Variants in CFAP57 observed in about 807,000 individuals in gnomAD.
CFAP57 encodes cilia- and flagella-associated protein 57.
Under a neutral mutation model 146.8 loss-of-function variants are expected in CFAP57, and 116 were observed. The observed-to-expected ratio is 0.79, with a 90% CI of 0.68 to 0.92. CFAP57 has a LOEUF of 0.92. CFAP57 is among the 40% of genes least tolerant of loss of function. CFAP57 has a pLI of 0.00. For synonymous variants in CFAP57, 518 were observed against 552.8 expected (o/e 0.94, Z 0.88); for missense variants, 1,377 against 1,527.2 (o/e 0.90, Z 1.64).
chr1:43,181,483 C>G (rs771259445), intron 2 of CFAP57, 51 bp from the exon 3 acceptor site: 144 of 1,606,508 alleles, frequency 9.0e-5, no homozygotes, highest in Non-Finnish European at 1.2e-4. Flanking sequence ...CTGTTGAACC[C>G]TGGTGAAAGT....
At chr1:43,207,159 G>T (rs1644393604) in intron 10 of CFAP57, among the ~76,000 whole-genome samples, 1 of 152,162 alleles carries the variant, frequency 6.6e-6, no homozygotes. Flanking sequence ...TAAATTGCGG[G>T]GCTCTTTTTC....
chr1:43,226,690 T>G (rs1233659857), intron 17 of CFAP57, among the ~76,000 whole-genome samples: 1 of 152,210 alleles, frequency 6.6e-6, no homozygotes, highest in African/African-American at 2.4e-5. Context: ...GTAGAACAGC[T>G]GGAGTGTGGG....
rs35050145 is a variant in CFAP57 at position 43,249,597 on chromosome 1, C to CT, written c.3539-4354dup. Among the ~76,000 whole-genome samples, 15 of 52,638 alleles carry CT rather than the reference C, an allele frequency of 2.8e-4. 1 individual carries two copies. The highest frequency in any genetic ancestry group is 4.8e-4 in the Admixed American group (2 of 4,148). The allele number at this position is 52,638 out of a possible 152,430, so 34.5% of individuals were successfully genotyped here. A position where few individuals can be genotyped will look rare whatever the true frequency, so the allele number is the denominator to read the frequency against. On this transcript the variant is annotated intron_variant, in intron 22 of 22. Transcript: ENST00000372492. ...GGCACACGCCACCACACCCAGCTAA[C>CT]TTTTTTTTTTTTTTTTTTTTTTTTT...
chr1:43,183,575 C>T lies in CFAP57; in HGVS notation c.475-16C>T. Reference sequence around the variant, plus strand: ...GTTTCATAAATTTTTTTCTTCAATTCTCTCACATTTTACAGGTGAGCTTCA... The same window carrying T: ...GTTTCATAAATTTTTTTCTTCAATTTTCTCACATTTTACAGGTGAGCTTCA... On this transcript the variant is annotated splice_polypyrimidine_tract_variant and intron_variant, in intron 3 of 22. Coordinates refer to ENST00000372492, the MANE Select transcript of CFAP57 (RefSeq NM_001378189.1). 1 of 1,612,358 alleles carries T rather than the reference C, an allele frequency of 6.2e-7. No individual in the cohort carries two copies. Among genetic ancestry groups the T allele is most frequent in the South Asian group, 1.1e-5 (1 of 90,938 alleles).
At chr1:43,177,995 G>C (rs1045929712) in intron 2 of CFAP57, among the ~76,000 whole-genome samples, 1 of 152,216 alleles carries the variant, frequency 6.6e-6, no homozygotes, top group African/African-American at 2.4e-5. Context: ...AGAGGCTTTG[G>C]AGGAGTGGCC....
At position 43,215,215 on chromosome 1, in the gene CFAP57, G is replaced by A. The variant is rs950023462; in HGVS notation, c.1930-40G>A. The stretch of plus-strand genomic sequence containing the variant: ...GCTGGCTCAGCCCTGGTCATCTGTG[G>A]CCTTGAAAGCTTCCTGGCCATGACC... On this transcript the variant is annotated intron_variant, in intron 11 of 22. Coordinates refer to ENST00000372492, the MANE Select transcript of CFAP57 (RefSeq NM_001378189.1). The A allele has an allele frequency of 1.4e-5, 21 of 1,550,276 alleles. No homozygotes were observed. In the East Asian group the frequency reaches 4.2e-4, roughly 31 times the overall value.
chr1:43,239,495 G>T (rs551373673), intron 21 of CFAP57, among the ~76,000 whole-genome samples: 3 of 152,284 alleles, frequency 2.0e-5, no homozygotes, highest in South Asian at 4.1e-4. Flanking sequence ...CACTTGCCGG[G>T]GGGCCTTTAC....
Position 43,198,566 on chromosome 1 carries a change from G to T in CFAP57, c.1348G>T (p.Ala450Ser), listed in dbSNP as rs1643967397. The T allele has an allele frequency of 1.9e-6, 3 of 1,613,968 alleles. No homozygotes were observed. Among genetic ancestry groups the T allele is most frequent in the African/African-American group, 2.7e-5 (2 of 74,914 alleles). ...PSGHFIVVGF[A>S]DKLRLMNLLI... ...TGGACACTTCATTGTAGTAGGGTTT[G>T]CTGACAAACTACGCCTCATGAATCT... The change falls in exon 8 of 23, where the codon GCT (alanine) becomes TCT (serine). Residue 450 changes from alanine to serine, a missense_variant. Coordinates refer to ENST00000372492, the MANE Select transcript of CFAP57 (RefSeq NM_001378189.1).
intron 6 of CFAP57, among the ~76,000 whole-genome samples, chr1:43,190,348 G>A (rs1320059731): frequency 7.2e-6 from 1 of 138,046 alleles, no homozygotes; most frequent in African/African-American, 2.8e-5. Context: ...TTGGCTCACT[G>A]CAAGCTCCAC....
At chr1:43,219,259 A>G in intron 12 of CFAP57, 123 bp from the exon 13 acceptor site, 1 of 1,035,102 alleles carries the variant, frequency 9.7e-7, no homozygotes, top group East Asian at 2.6e-5. Flanking sequence ...GACAAGTTCT[A>G]GTTGAGACAC....
rs867286293 is a variant in CFAP57 at position 43,236,912 on chromosome 1, C to A, written c.3405+2274C>A. On this transcript the variant is annotated intron_variant, in intron 21 of 22. Transcript: ENST00000372492. ...CGACAGAGCGAGACTCCATCCCCCC[C>A]CAAAAAAAAAAGGCAATTTCCATCC... 3.5e-3 allele frequency among the ~76,000 whole-genome samples: 431 copies of A among 122,666 alleles called. 2 individuals are homozygous for A. Among genetic ancestry groups the A allele is most frequent in the South Asian group, 0.019 (67 of 3,466 alleles). 80.5% of individuals were successfully genotyped at this position (122,666 alleles called of 152,430 possible).
chr1:43,224,160 C>T lies in CFAP57; in HGVS notation c.2821C>T (p.Leu941Phe). The T allele has an allele frequency of 1.9e-6, 3 of 1,549,644 alleles. No homozygotes were observed. The highest frequency in any genetic ancestry group is 2.6e-6 in the Non-Finnish European group (3 of 1,146,528). Residue 941 changes from leucine to phenylalanine, a missense_variant, in exon 17 of 23, where the codon CTC becomes TTC. Physicochemically the swap from Leu to Phe is conservative, Grantham distance 22. Coordinates refer to ENST00000372492, the MANE Select transcript of CFAP57 (RefSeq NM_001378189.1). ...GTCTCTGGAGAAGGACATCCAAGGCCTCAAGCGAGAGATCCAGGAAAGAGA... is the reference window on the plus strand; with the variant it reads ...GTCTCTGGAGAAGGACATCCAAGGCTTCAAGCGAGAGATCCAGGAAAGAGA... Reference protein sequence around the residue: ...IKSLEKDIQGLKREIQERDET... With the variant: ...IKSLEKDIQGFKREIQERDET...
Position 43,181,524 on chromosome 1 carries a change from CT to C in CFAP57, c.158-9del. The C allele has an allele frequency of 6.2e-7, 1 of 1,614,058 alleles. No individual in the cohort carries two copies. The highest frequency in any genetic ancestry group is 8.5e-7 in the Non-Finnish European group (1 of 1,180,020). ...CTACCCTGATTATTTCCTTTTTCCT[CT>C]GTTTGCAGGCTCAGAGAAGAGTCAG... On this transcript the variant is annotated splice_polypyrimidine_tract_variant and intron_variant, in intron 2 of 22. Coordinates refer to ENST00000372492, the MANE Select transcript of CFAP57 (RefSeq NM_001378189.1).
In CFAP57 at chr1:43,174,632, A is replaced by G. The variant is rs186148865; in HGVS notation, c.157+1722A>G. Among the ~76,000 whole-genome samples, 39 of 152,322 alleles carry G rather than the reference A, an allele frequency of 2.6e-4. 1 individual carries two copies. The highest frequency in any genetic ancestry group is 8.7e-4 in the African/African-American group (36 of 41,572). On this transcript the variant is annotated intron_variant, in intron 2 of 22. Coordinates refer to ENST00000372492, the MANE Select transcript of CFAP57 (RefSeq NM_001378189.1). ...AGAGATCAAGACCATCCTCGCCAAC[A>G]TAGTGAAACCCCGTCTCTACTAAAA...
chr1:43,236,404 C>T (rs1376398570), intron 21 of CFAP57, among the ~76,000 whole-genome samples: 1 of 151,468 alleles, frequency 6.6e-6, no homozygotes, highest in Non-Finnish European at 1.5e-5. Context: ...CTGTGCCGAC[C>T]CTGGTTTACC....
In CFAP57 at chr1:43,233,412, C is replaced by T. The variant is rs536599408; in HGVS notation, c.3126+788C>T. 7.2e-5 allele frequency among the ~76,000 whole-genome samples: 11 copies of T among 152,070 alleles called. No homozygotes were observed. In the East Asian group the frequency reaches 1.9e-3, roughly 27 times the overall value. On this transcript the variant is annotated intron_variant, in intron 19 of 22. Transcript: ENST00000372492. Reference sequence around the variant, plus strand: ...ACTGAGGCAGGAGAATTGCTTGAACCTGGGAGGCGGAGGTTGCCGTGAGCC... The same window carrying T: ...ACTGAGGCAGGAGAATTGCTTGAACTTGGGAGGCGGAGGTTGCCGTGAGCC...
intron 6 of CFAP57, among the ~76,000 whole-genome samples, chr1:43,190,879 A>G (rs1360685772): frequency 6.6e-6 from 1 of 152,090 alleles, no homozygotes; most frequent in East Asian, 1.9e-4. Flanking sequence ...TATTCAATTT[A>G]CTAGTATTTT....
At position 43,201,409 on chromosome 1, in the gene CFAP57, G is replaced by A. The variant is rs926073164; in HGVS notation, c.1542+1906G>A. Among the ~76,000 whole-genome samples the A allele has an allele frequency of 2.0e-5, 3 of 152,222 alleles. No homozygotes were observed. The highest frequency in any genetic ancestry group is 2.0e-4 in the Admixed American group (3 of 15,274). On this transcript the variant is annotated intron_variant, in intron 9 of 22. Coordinates refer to ENST00000372492, the MANE Select transcript of CFAP57 (RefSeq NM_001378189.1). This position sits in a 1 kb window ranked among gnomAD's most constrained non-coding sequence, Gnocchi z 4.4. ...GGTCATGTAAAGTCCAAAACTGACC[G>A]TTGACTTTAGCAAATAACAGATCAT...
chr1:43,211,208 C>T (rs1644594332), intron 11 of CFAP57, among the ~76,000 whole-genome samples: 1 of 152,196 alleles, frequency 6.6e-6, no homozygotes, highest in South Asian at 2.1e-4. Flanking sequence ...CACCTCTTCC[C>T]TTCAGATCTG....
Sources: gnomAD v4.1 joint callset for allele counts (sites outside exome capture counted in the v4.1 genomes callset) on GRCh38, gnomAD v4.1.1 for gene constraint, Gnocchi (gnomAD v3.1) non-coding constraint, MANE v1.5 for transcripts, NCBI Gene and HGNC (gene_info 2026-07-23, HGNC 2026-07-21) for gene names.